The following SANBR variants were observed in gnomAD, a reference collection of about 807,000 sequenced individuals.
SANBR encodes SANT and BTB domain regulator of class switch recombination.
In SANBR, 77 loss-of-function variants were observed where a neutral mutation model predicts 101.8. The observed-to-expected ratio is 0.76, with a 90% CI of 0.63 to 0.91. The LOEUF is 0.91. Among genes scored for constraint, SANBR ranks in the 40% least tolerant of loss-of-function variants. SANBR has a pLI of 0.00. For synonymous variants in SANBR, 279 were observed against 274.7 expected, an observed-to-expected ratio of 1.02 and a Z score of -0.15; for missense variants, 875 against 853.0, an observed-to-expected ratio of 1.03 and a Z score of -0.32.
At chr2:61,071,878 T>G (rs544281672) in intron 4 of SANBR, 86 bp downstream of exon 4, 2 of 817,870 alleles carry the variant, frequency 2.4e-6, no homozygotes, top group Non-Finnish European at 3.9e-6. Flanking sequence ...TCTTTCTTTG[T>G]TTAAAGGCTA....
intron 2 of SANBR, chr2:61,069,578 C>T (rs921295057): frequency 1.3e-5 from 2 of 152,326 alleles, no homozygotes; most frequent in African/African-American, 4.8e-5. Context: ...AATCAAGTGT[C>T]AGCTGAATCA....
Position 61,124,205 on chromosome 2 carries a change from C to T in SANBR, c.*2043C>T, listed in dbSNP as rs199837231. 1.5e-3 allele frequency: 1,426 copies of T among 977,750 alleles called. 1 individual carries two copies. The highest frequency in any genetic ancestry group is 1.7e-3 in the Non-Finnish European group (1,363 of 822,848). The allele number at this position is 977,750 out of a possible 1,614,324, so 60.6% of individuals were successfully genotyped here. On this transcript the variant is annotated 3_prime_UTR_variant, in exon 22 of 22. Transcript: ENST00000402291. ...AAACTCTTAATAGCATTTCTTTCGC[C>T]AGATACTTTAATATTTCACCTTACA...
At chr2:61,108,200 C>A (rs1404646685) in intron 14 of SANBR, 117 bp from the exon 15 acceptor site, 5 of 533,332 alleles carry the variant, frequency 9.4e-6, no homozygotes, top group Non-Finnish European at 1.6e-5. Context: ...TATGTTTCAG[C>A]CTGGAAGGGA....
chr2:61,068,745 T>C (rs1681310095), intron 1 of SANBR, 104 bp from the exon 2 acceptor site: 1 of 152,384 alleles, frequency 6.6e-6, no homozygotes, highest in African/African-American at 2.4e-5. Context: ...GGAGTGGTAG[T>C]GCTGCTACAC....
rs185269899 is a variant in SANBR, at chr2:61,118,184, G to A, written c.2028+68G>A. 24 of 1,026,818 alleles carry A rather than the reference G, an allele frequency of 2.3e-5. No homozygotes were observed. The East Asian group carries it at 6.0e-4, about 26-fold the overall frequency. 63.6% of individuals were successfully genotyped at this position (1,026,818 alleles called of 1,614,324 possible). A position where few individuals can be genotyped will look rare whatever the true frequency, so the allele number is the denominator to read the frequency against. The stretch of plus-strand genomic sequence containing the variant: ...CCTTCCTACTTTTATTTTCAGCTTA[G>A]GATTATAAAGATGTCTTAGGCAGAA... On this transcript the variant is annotated intron_variant, in intron 20 of 21. Coordinates refer to ENST00000402291, the MANE Select transcript of SANBR (RefSeq NM_001129993.3).
chr2:61,125,622 T>TA (rs1684491934), downstream of SANBR, among the ~76,000 whole-genome samples: 2 of 152,230 alleles, frequency 1.3e-5, no homozygotes, highest in African/African-American at 4.8e-5. Context: ...AGATGTATCT[T>TA]TCCTTGAGAA....
chr2:61,076,982 C>A lies in SANBR; in HGVS notation c.494C>A (p.Pro165Gln). ...AACTTGAAAGAAGATTTTACTTGCCCGCGAGATCTTTTGATATCAGAAATG... is the reference window on the plus strand; with the variant it reads ...AACTTGAAAGAAGATTTTACTTGCCAGCGAGATCTTTTGATATCAGAAATG... ...AKNLKEDFTC[P>Q]RDLLISEMKY... The change falls in exon 6 of 22, where the codon CCG (proline) becomes CAG (glutamine). Residue 165 changes from proline to glutamine, a missense_variant. Coordinates refer to ENST00000402291, the MANE Select transcript of SANBR (RefSeq NM_001129993.3). 1 of 1,613,980 alleles carries A rather than the reference C, an allele frequency of 6.2e-7. No homozygotes were observed. The highest frequency in any genetic ancestry group is 8.5e-7 in the Non-Finnish European group (1 of 1,180,000).
At chr2:61,135,247 G>C (rs1015524268) in intron 21 of SANBR, among the ~76,000 whole-genome samples, 1 of 152,164 alleles carries the variant, frequency 6.6e-6, no homozygotes, top group Non-Finnish European at 1.5e-5. Flanking sequence ...AGAAATGTAG[G>C]CAACTGTCAG....
In SANBR at chr2:61,123,684, T is replaced by G; in HGVS notation, c.*1522T>G. The G allele has an allele frequency of 1.0e-6, 1 of 985,178 alleles. No individual in the cohort carries two copies. Among genetic ancestry groups the G allele is most frequent in the Non-Finnish European group, 1.2e-6 (1 of 829,552 alleles). 61.0% of individuals were successfully genotyped at this position (985,178 alleles called of 1,614,324 possible). A position where few individuals can be genotyped will look rare whatever the true frequency, so the allele number is the denominator to read the frequency against. On this transcript the variant is annotated 3_prime_UTR_variant, in exon 22 of 22. Coordinates refer to ENST00000402291, the MANE Select transcript of SANBR (RefSeq NM_001129993.3). ...CACGACTAGATAAGGAAAAAATATATATGCTCTTTTGATTTTTAACTGATG... is the reference window on the plus strand; with the variant it reads ...CACGACTAGATAAGGAAAAAATATAGATGCTCTTTTGATTTTTAACTGATG...
At chr2:61,112,905 T>C (rs917552803) in intron 16 of SANBR, among the ~76,000 whole-genome samples, 10 of 152,234 alleles carry the variant, frequency 6.6e-5, no homozygotes, top group African/African-American at 2.4e-4. Flanking sequence ...AGTATTTGCC[T>C]ACCTCAAAGT....
At chr2:61,076,245 A>T (rs13406000) in intron 5 of SANBR, among the ~76,000 whole-genome samples, 1 of 149,868 alleles carries the variant, frequency 6.7e-6, no homozygotes, top group South Asian at 2.1e-4. Context: ...CACCCGCCTC[A>T]GCCTCCCAAA....
intron 16 of SANBR, among the ~76,000 whole-genome samples, chr2:61,112,194 C>T (rs1169301675): frequency 6.6e-6 from 1 of 152,208 alleles, no homozygotes; most frequent in African/African-American, 2.4e-5. Context: ...TGCATTCCCA[C>T]CAGTAGTGTA....
At chr2:61,084,823 AG>A (rs1198979821) in intron 8 of SANBR, among the ~76,000 whole-genome samples, 1 of 152,164 alleles carries the variant, frequency 6.6e-6, no homozygotes, top group Non-Finnish European at 1.5e-5. Context: ...GAGAAGTGAA[AG>A]GGTTTGCACT....
chr2:61,071,943 G>GT (rs767577842), intron 4 of SANBR, 151 bp downstream of exon 4: 186 of 580,674 alleles, frequency 3.2e-4, no homozygotes, highest in Non-Finnish European at 5.0e-4. Context: ...GAATTTTGTT[G>GT]TTTTTTCTTT....
downstream of SANBR, among the ~76,000 whole-genome samples, chr2:61,128,188 C>G (rs1317657213): frequency 6.6e-6 from 1 of 151,550 alleles, no homozygotes; most frequent in East Asian, 2.0e-4. Flanking sequence ...AGGAGAATCG[C>G]TTGAACCCGG....
intron 7 of SANBR, 69 bp downstream of exon 7, chr2:61,081,579 A>C (rs749650625): frequency 9.3e-6 from 13 of 1,403,156 alleles, no homozygotes; most frequent in Non-Finnish European, 1.2e-5. Flanking sequence ...TCAAGTATCT[A>C]GAAAATTCTG....
At chr2:61,133,024 G>A (rs1478827158) in intron 20 of SANBR, among the ~76,000 whole-genome samples, 1 of 152,168 alleles carries the variant, frequency 6.6e-6, no homozygotes. Context: ...GGCCAAGGCG[G>A]GTGGATCACT....
chr2:61,104,135 G>GTATATGAAA, intron 13 of SANBR, 137 bp downstream of exon 13: 1 of 724,110 alleles, frequency 1.4e-6, no homozygotes, highest in Non-Finnish European at 2.3e-6. Context: ...GAAATTATAT[G>GTATATGAAA]TTAGCTTACA....
chr2:61,066,791 A>C (rs1218426266), intron 1 of SANBR, among the ~76,000 whole-genome samples: 1 of 152,112 alleles, frequency 6.6e-6, no homozygotes, highest in Non-Finnish European at 1.5e-5. Context: ...AGTGACTTAG[A>C]CTAGTCTTCT....
Sources: allele counts gnomAD v4.1 joint callset (sites outside exome capture counted in the v4.1 genomes callset), GRCh38; gene constraint gnomAD v4.1.1; transcripts MANE v1.5; gene names NCBI Gene and HGNC (gene_info 2026-07-23, HGNC 2026-07-21).